EMB: variants seen among roughly 807,000 people sequenced by gnomAD.
The protein encoded by EMB is embigin homolog.
Under a neutral mutation model 41.4 loss-of-function variants are expected in EMB, and 31 were observed. The ratio of observed to expected loss-of-function variants is 0.75; its 90% CI spans 0.56 to 1.01. The LOEUF is 1.01. Among genes scored for constraint, EMB ranks in the 50% least tolerant of loss-of-function variants. EMB has a pLI of 0.00. For synonymous variants in EMB, 137 were observed against 140.4 expected (o/e 0.98, Z 0.17); for missense variants, 379 against 388.3 (o/e 0.98, Z 0.20).
chr5:50,436,151 C>G (rs1297780009), intron 1 of EMB, among the ~76,000 whole-genome samples: 2 of 152,120 alleles, frequency 1.3e-5, no homozygotes, highest in Non-Finnish European at 2.9e-5. Context: ...TATACACATA[C>G]AACTTATAAT....
At chr5:50,440,130 T>C (rs775107890) in intron 1 of EMB, among the ~76,000 whole-genome samples, 1 of 152,146 alleles carries the variant, frequency 6.6e-6, no homozygotes, top group Non-Finnish European at 1.5e-5. Flanking sequence ...ACACACATTT[T>C]GTTTTCAAAG....
intron 1 of EMB, among the ~76,000 whole-genome samples, chr5:50,431,152 G>A (rs1745714415): frequency 1.3e-5 from 2 of 152,114 alleles, no homozygotes; most frequent in East Asian, 1.9e-4. Context: ...CAGGTTCCAC[G>A]GAAAAAGTGC....
rs1282239250 is a variant in EMB at position 50,397,181 on chromosome 5, A to G, written c.*2092T>C. 1 of 152,134 alleles carries G rather than the reference A, an allele frequency of 6.6e-6. No individual in the cohort carries two copies. The highest frequency in any genetic ancestry group is 2.4e-5 in the African/African-American group (1 of 41,440). The allele number at this position is 152,134 out of a possible 1,614,324, so 9.4% of individuals were successfully genotyped here. On this transcript the variant is annotated 3_prime_UTR_variant, in exon 9 of 9. Coordinates refer to ENST00000303221, the MANE Select transcript of EMB (RefSeq NM_198449.3). ...GCGGCTTATTATTTGCAGTCAATTT[A>G]TATTTGGTCAATATTAGTTAATTCA...
At chr5:50,440,533 CAAAAAAAAAAAA>C (rs70972912) in intron 1 of EMB, among the ~76,000 whole-genome samples, 7 of 60,054 alleles carry the variant, frequency 1.2e-4, no homozygotes, top group African/African-American at 4.8e-4. Flanking sequence ...AACTCCGTCT[CAAAAAAAAAAAA>C]AAAAAAAAAA....
chr5:50,441,930 T>A (rs913374096), upstream of EMB, among the ~76,000 whole-genome samples: 1 of 152,120 alleles, frequency 6.6e-6, no homozygotes, highest in Non-Finnish European at 1.5e-5. Flanking sequence ...CATTGACCTT[T>A]GTTAAATCCG....
chr5:50,413,640 G>A (rs938499881), intron 2 of EMB, among the ~76,000 whole-genome samples: 9 of 148,616 alleles, frequency 6.1e-5, no homozygotes, highest in Admixed American at 4.7e-4. Flanking sequence ...CAATGGTGTC[G>A]TCTCAGCTCA....
chr5:50,443,333 T>C (rs564395070), upstream of EMB: 10 of 152,322 alleles, frequency 6.6e-5, no homozygotes, highest in East Asian at 1.9e-3. Flanking sequence ...ACGAAGAAAT[T>C]GGGGATTGGC....
intron 2 of EMB, among the ~76,000 whole-genome samples, chr5:50,413,453 A>G (rs1745377051): frequency 6.6e-6 from 1 of 152,228 alleles, no homozygotes; most frequent in Admixed American, 6.5e-5. Flanking sequence ...TCTGGATCCA[A>G]TTCCCAGTTT....
chr5:50,404,031 A>G (rs1230399179), intron 5 of EMB, among the ~76,000 whole-genome samples: 3 of 151,894 alleles, frequency 2.0e-5, no homozygotes, highest in Non-Finnish European at 2.9e-5. Flanking sequence ...CTGTCTTTTC[A>G]TATCTGAATT....
intron 1 of EMB, among the ~76,000 whole-genome samples, chr5:50,436,034 C>A (rs182411391): frequency 6.6e-6 from 1 of 152,216 alleles, no homozygotes; most frequent in East Asian, 1.9e-4. Context: ...CTCCAAGAAG[C>A]CTTGGTTACT....
At chr5:50,408,393 T>G (rs1204129597) in intron 4 of EMB, among the ~76,000 whole-genome samples, 1 of 152,050 alleles carries the variant, frequency 6.6e-6, no homozygotes, top group African/African-American at 2.4e-5. Flanking sequence ...AAACTTCCAG[T>G]GTACACTTTT....
At chr5:50,428,774 T>G (rs1223185182) in intron 1 of EMB, 12 of 983,114 alleles carry the variant, frequency 1.2e-5, no homozygotes, top group Admixed American at 1.2e-4. Context: ...GACTTTCAGT[T>G]TCCTCTGCCT....
At chr5:50,420,536 A>C (rs1745502296) in intron 2 of EMB, among the ~76,000 whole-genome samples, 1 of 152,214 alleles carries the variant, frequency 6.6e-6, no homozygotes, top group African/African-American at 2.4e-5. Context: ...CACTGCTAAC[A>C]ACAGACTCTC....
At chr5:50,422,118 GAT>G (rs769633018) in intron 2 of EMB, among the ~76,000 whole-genome samples, 42 of 152,084 alleles carry the variant, frequency 2.8e-4, no homozygotes, top group South Asian at 2.1e-3. Context: ...CAGATAAAAA[GAT>G]ATGTTTTTAA....
At chr5:50,420,822 G>C (rs1363930744) in intron 2 of EMB, among the ~76,000 whole-genome samples, 3 of 152,106 alleles carry the variant, frequency 2.0e-5, no homozygotes, top group Non-Finnish European at 4.4e-5. Context: ...TTAGACTGAA[G>C]GTTCAAGCAT....
chr5:50,422,192 C>G (rs1207642499), intron 2 of EMB, among the ~76,000 whole-genome samples: 1 of 151,912 alleles, frequency 6.6e-6, no homozygotes, highest in Non-Finnish European at 1.5e-5. Flanking sequence ...ATAAAATAGG[C>G]AAAACTTTTT....
At position 50,399,899 on chromosome 5, in the gene EMB, C is replaced by T. The variant is rs751001259; in HGVS notation, c.926G>A (p.Ser309Asn). Residue 309 changes from serine to asparagine, a missense_variant, in exon 8 of 9, where the codon AGC (serine) becomes AAC (asparagine). Ser to Asn is a conservative substitution (Grantham distance 46). Coordinates refer to ENST00000303221, the MANE Select transcript of EMB (RefSeq NM_198449.3). ...GGGGACATTATTTTCTATACCATTG[C>T]TATCATCTGATTTCCTGCACAGAAA... ...EQIEQLKSDD[S>N]NGIENNVPRH... 8 of 1,603,464 alleles carry T rather than the reference C, an allele frequency of 5.0e-6. No homozygotes were observed. The South Asian group carries it at 7.9e-5, about 16-fold the overall frequency.
In EMB at chr5:50,397,400, A is replaced by G. The variant is rs1438192797; in HGVS notation, c.*1873T>C. ...AACAGTATTGCCAATTAAAAACTCC[A>G]TTTACTATAGAAATATTCCTGATTA... is the stretch of plus-strand genomic sequence containing the variant. On this transcript the variant is annotated 3_prime_UTR_variant, in exon 9 of 9. Coordinates refer to ENST00000303221, the MANE Select transcript of EMB (RefSeq NM_198449.3). The G allele has an allele frequency of 6.6e-6, 1 of 152,096 alleles. No homozygotes were observed. The highest frequency in any genetic ancestry group is 1.5e-5 in the Non-Finnish European group (1 of 68,000). 9.4% of individuals were successfully genotyped at this position (152,096 alleles called of 1,614,324 possible). A position where few individuals can be genotyped will look rare whatever the true frequency, so the allele number is the denominator to read the frequency against.
chr5:50,434,067 T>TTTTA (rs1220806965), intron 1 of EMB, among the ~76,000 whole-genome samples: 2 of 152,232 alleles, frequency 1.3e-5, no homozygotes, highest in African/African-American at 4.8e-5. Flanking sequence ...TATGACCTTA[T>TTTTA]TTTAGTTCAT....
Sources: gnomAD v4.1 joint callset for allele counts (sites outside exome capture counted in the v4.1 genomes callset) on GRCh38, gnomAD v4.1.1 for gene constraint, MANE v1.5 for transcripts, NCBI Gene and HGNC (gene_info 2026-07-23, HGNC 2026-07-21) for gene names.